The following CSMD1 variants were observed in gnomAD, a reference collection of about 807,000 sequenced individuals.
CSMD1 encodes CUB and sushi domain-containing protein 1.
Under a neutral mutation model 417.5 loss-of-function variants are expected in CSMD1, and 213 were observed. The ratio of observed to expected loss-of-function variants is 0.51; its 90% CI spans 0.46 to 0.57. CSMD1 has a LOEUF of 0.57. CSMD1 is among the 20% of genes least tolerant of loss of function. The probability of loss-of-function intolerance (pLI) is 0.00; values close to 1 mark genes in which losing one functional copy is unlikely to be tolerated. For missense variants in CSMD1, 6,923 were observed against 4,529.7 expected, an observed-to-expected ratio of 1.53 and a Z score of -15.17; for synonymous variants, 2,862 against 1,736.8, an observed-to-expected ratio of 1.65 and a Z score of -16.11.
intron 5 of CSMD1, among the ~76,000 whole-genome samples, chr8:3,807,887 C>T (rs541876915): frequency 6.6e-6 from 1 of 152,188 alleles, no homozygotes; most frequent in African/African-American, 2.4e-5. Flanking sequence ...AAAAGCAATC[C>T]CCTTCTTGCC....
intron 3 of CSMD1, among the ~76,000 whole-genome samples, chr8:4,057,097 T>C (rs1294750198): frequency 1.3e-5 from 2 of 152,228 alleles, no homozygotes; most frequent in Non-Finnish European, 2.9e-5. Context: ...TCTAGATCCC[T>C]GAGGAATCGC....
intron 5 of CSMD1, among the ~76,000 whole-genome samples, chr8:3,770,692 T>C (rs1798518755): frequency 1.3e-5 from 2 of 152,154 alleles, no homozygotes. Flanking sequence ...CACCTTGTGA[T>C]CTAATTTCAT....
chr8:3,729,693 CTT>C (rs1802711243), intron 6 of CSMD1, among the ~76,000 whole-genome samples: 1 of 68,098 alleles, frequency 1.5e-5, no homozygotes, highest in African/African-American at 1.1e-4. Flanking sequence ...AAACTCGCCT[CTT>C]CTTCTGCTAA....
At chr8:4,828,172 G>A (rs115237400) in intron 1 of CSMD1, among the ~76,000 whole-genome samples, 1 of 151,972 alleles carries the variant, frequency 6.6e-6, no homozygotes, top group Non-Finnish European at 1.5e-5. Flanking sequence ...CACAAATACA[G>A]AGCTCATTTA....
At chr8:3,327,123 C>A (rs1038550925) in intron 23 of CSMD1, among the ~76,000 whole-genome samples, 1 of 150,794 alleles carries the variant, frequency 6.6e-6, no homozygotes, top group African/African-American at 2.4e-5. Context: ...TTGGCATTAA[C>A]ACTTGACATC....
chr8:3,669,841 T>A (rs988617065), intron 7 of CSMD1, among the ~76,000 whole-genome samples: 1 of 152,140 alleles, frequency 6.6e-6, no homozygotes, highest in Non-Finnish European at 1.5e-5. Context: ...CAGTGGGTGA[T>A]GTCAGCCATG....
intron 21 of CSMD1, among the ~76,000 whole-genome samples, chr8:3,350,483 T>C (rs1417537378): frequency 6.6e-6 from 1 of 152,104 alleles, no homozygotes; most frequent in Non-Finnish European, 1.5e-5. Flanking sequence ...ATATAAACTG[T>C]GAAGTACTCA....
intron 3 of CSMD1, among the ~76,000 whole-genome samples, chr8:4,336,303 A>C (rs566833159): frequency 6.6e-6 from 1 of 152,142 alleles, no homozygotes. Context: ...TTTTAATGCC[A>C]CGTAGCCTCT....
rs141745128 is a variant in CSMD1, at chr8:4,910,762, C to G, written c.85+83570G>C. Among the ~76,000 whole-genome samples, 155 of 152,150 alleles carry G rather than the reference C, an allele frequency of 1.0e-3. 4 individuals carry two copies. The East Asian group carries it at 0.027, about 27-fold the overall frequency. On this transcript the variant is annotated intron_variant, in intron 1 of 69. Coordinates refer to ENST00000635120, the MANE Select transcript of CSMD1 (RefSeq NM_033225.6). ...AGCACATAATTATATATTGTCTCAC[C>G]CCAACAAGGACCTTATAAGGTGGGA...
chr8:3,518,839 A>G (rs530668797), intron 10 of CSMD1, among the ~76,000 whole-genome samples: 1 of 152,310 alleles, frequency 6.6e-6, no homozygotes, highest in South Asian at 2.1e-4. Flanking sequence ...AATAAATATT[A>G]TTCACATCGC....
intron 37 of CSMD1, among the ~76,000 whole-genome samples, chr8:3,169,972 G>C (rs1335705296): frequency 6.6e-6 from 1 of 152,116 alleles, no homozygotes; most frequent in Admixed American, 6.5e-5. Context: ...ATCTAAGAAA[G>C]TTTAAATGTT....
At chr8:3,970,332 A>G (rs1311902078) in intron 5 of CSMD1, among the ~76,000 whole-genome samples, 2 of 152,204 alleles carry the variant, frequency 1.3e-5, no homozygotes, top group African/African-American at 4.8e-5. Context: ...AGAGAATCCT[A>G]TACCAGCATA....
At chr8:3,920,546 G>A (rs1380884164) in intron 5 of CSMD1, among the ~76,000 whole-genome samples, 3 of 152,026 alleles carry the variant, frequency 2.0e-5, no homozygotes, top group Admixed American at 6.6e-5. Flanking sequence ...TAGGCAACTT[G>A]TCTTGTTCTT....
chr8:4,003,534 TAAAAAC>T (rs1815869969), intron 4 of CSMD1, among the ~76,000 whole-genome samples: 1 of 152,108 alleles, frequency 6.6e-6, no homozygotes. Context: ...AAACCAAAAT[TAAAAAC>T]AAACACAGGT....
At chr8:3,741,501 C>T (rs1457929711) in intron 6 of CSMD1, among the ~76,000 whole-genome samples, 1 of 152,164 alleles carries the variant, frequency 6.6e-6, no homozygotes, top group Admixed American at 6.5e-5. Flanking sequence ...ATGTACTTCC[C>T]ATTTCCTTTT....
intron 26 of CSMD1, among the ~76,000 whole-genome samples, chr8:3,242,342 C>A (rs561560594): frequency 6.6e-6 from 1 of 150,750 alleles, no homozygotes; most frequent in Non-Finnish European, 1.5e-5. Context: ...TAGAAAGACT[C>A]AGCGACGCTT....
intron 7 of CSMD1, among the ~76,000 whole-genome samples, chr8:3,696,437 C>G (rs576227520): frequency 7.2e-5 from 11 of 152,328 alleles, no homozygotes; most frequent in Admixed American, 2.0e-4. Flanking sequence ...CTACCATGGA[C>G]TGCTTCTGCA....
At chr8:4,226,365 T>C (rs1191233051) in intron 3 of CSMD1, among the ~76,000 whole-genome samples, 2 of 152,208 alleles carry the variant, frequency 1.3e-5, no homozygotes, top group African/African-American at 4.8e-5. Context: ...TGACATACCA[T>C]TTTGCATATA....
chr8:4,814,698 C>G (rs1368115112), intron 1 of CSMD1, among the ~76,000 whole-genome samples: 1 of 152,080 alleles, frequency 6.6e-6, no homozygotes, highest in Non-Finnish European at 1.5e-5. Flanking sequence ...AATCCCAGCT[C>G]ATGCAGGTGT....
Sources: gnomAD v4.1 joint callset for allele counts (sites outside exome capture counted in the v4.1 genomes callset) on GRCh38, gnomAD v4.1.1 for gene constraint, MANE v1.5 for transcripts, NCBI Gene and HGNC (gene_info 2026-07-23, HGNC 2026-07-21) for gene names.